The following DLG2 variants were observed in gnomAD, a reference collection of about 807,000 sequenced individuals.
The protein encoded by DLG2 is discs large MAGUK scaffold protein 2, also known as disks large homolog 2.
DLG2 carries 45 observed loss-of-function variants against 132.5 expected under a neutral mutation model. The ratio of observed to expected loss-of-function variants is 0.34; its 90% CI spans 0.27 to 0.44. The LOEUF (loss-of-function observed/expected upper bound fraction) is 0.44, where lower values mean the gene tolerates loss of function less well. Ranked by LOEUF, DLG2 falls within the 20% of genes least tolerant of loss-of-function variation. The pLI is 1.00. For missense variants in DLG2, 1,045 were observed against 1,196.9 expected (o/e 0.87, Z 1.87); for synonymous variants, 424 against 419.6 (o/e 1.01, Z -0.13).
chr11:84,075,486 G>T (rs2096817508), intron 10 of DLG2, among the ~76,000 whole-genome samples: 1 of 152,142 alleles, frequency 6.6e-6, no homozygotes, highest in Admixed American at 6.5e-5. Flanking sequence ...GTTCTTCCTA[G>T]TTAAGATTGG....
rs1044040584 is a variant in DLG2, at chr11:85,378,938, C to T, written c.41-93573G>A. The stretch of plus-strand genomic sequence containing the variant: ...AATTTCTAAGTACCACTTCAAGTTA[C>T]GAGCTCTAATTTTGCATCCCCTTTA... On this transcript the variant is annotated intron_variant, in intron 3 of 27. Transcript: ENST00000376104. 7.2e-5 allele frequency among the ~76,000 whole-genome samples: 11 copies of T among 152,244 alleles called. No homozygotes were observed. The South Asian group carries it at 1.5e-3, about 20-fold the overall frequency.
At chr11:84,316,905 G>T (rs756829998) in intron 7 of DLG2, 1 of 1,612,724 alleles carries the variant, frequency 6.2e-7, no homozygotes, top group South Asian at 1.1e-5. Flanking sequence ...GTCTTGTGGG[G>T]GCTTTTCCGC....
rs189021187 is a variant in DLG2, at chr11:85,253,575, C to T, written c.186+31645G>A. Among the ~76,000 whole-genome samples the T allele has an allele frequency of 1.6e-4, 25 of 152,206 alleles. 1 individual carries two copies. The highest frequency in any genetic ancestry group is 4.1e-4 in the African/African-American group (17 of 41,524). On this transcript the variant is annotated intron_variant, in intron 4 of 27. Coordinates refer to ENST00000376104, the MANE Select transcript of DLG2 (RefSeq NM_001142699.3). ...AGCAGTATCTAGGGGAGGGTGCCTG[C>T]GACCCCTGAAGCTCCAGAGGAAGGG...
chr11:84,716,397 T>C (rs1309690465), intron 6 of DLG2, among the ~76,000 whole-genome samples: 1 of 152,066 alleles, frequency 6.6e-6, no homozygotes, highest in East Asian at 1.9e-4. Flanking sequence ...TGTATTTTTA[T>C]CTTAGAAATA....
At chr11:85,614,254 A>G (rs1345732980) in intron 2 of DLG2, among the ~76,000 whole-genome samples, 1 of 152,174 alleles carries the variant, frequency 6.6e-6, no homozygotes, top group Non-Finnish European at 1.5e-5. Context: ...TTTACAAATC[A>G]AGGACACTCA....
intron 8 of DLG2, among the ~76,000 whole-genome samples, chr11:84,250,565 C>A (rs1342761892): frequency 3.3e-5 from 5 of 152,204 alleles, no homozygotes; most frequent in African/African-American, 1.2e-4. Context: ...AGCGCCCACT[C>A]ACAAAGCCTT....
chr11:84,859,308 C>T (rs1037947912), intron 6 of DLG2, among the ~76,000 whole-genome samples: 1 of 142,228 alleles, frequency 7.0e-6, no homozygotes, highest in Non-Finnish European at 1.5e-5. Context: ...AACATATATA[C>T]CTATATATGT....
intron 6 of DLG2, among the ~76,000 whole-genome samples, chr11:84,661,118 G>T (rs948741896): frequency 6.6e-6 from 1 of 152,118 alleles, no homozygotes; most frequent in Non-Finnish European, 1.5e-5. Context: ...TCCAGGTAAA[G>T]TCACCTGCAA....
intron 3 of DLG2, among the ~76,000 whole-genome samples, chr11:85,537,885 G>C (rs1354250458): frequency 6.6e-6 from 1 of 151,950 alleles, no homozygotes; most frequent in Non-Finnish European, 1.5e-5. Context: ...GGGAGGCCCA[G>C]GTGGGTGGAT....
chr11:84,551,555 T>C (rs1227953786), intron 6 of DLG2, among the ~76,000 whole-genome samples: 1 of 152,162 alleles, frequency 6.6e-6, no homozygotes, highest in Non-Finnish European at 1.5e-5. Context: ...ACTTATGGAG[T>C]AGTTACTGTT....
chr11:85,064,944 G>A lies in DLG2; in HGVS notation c.357+46717C>T, dbSNP rs560827264. ...CACCCCACGTTTGACAAGCACAAAG[G>A]TGAAAAATATTTTTATGTATAAAGT... On this transcript the variant is annotated intron_variant, in intron 6 of 27. Transcript: ENST00000376104. 6.6e-5 allele frequency among the ~76,000 whole-genome samples: 10 copies of A among 151,424 alleles called. 1 individual carries two copies. Among genetic ancestry groups the A allele is most frequent in the African/African-American group, 2.4e-4 (10 of 41,358 alleles).
chr11:84,518,631 G>A (rs1042475228), intron 7 of DLG2, among the ~76,000 whole-genome samples: 1 of 152,006 alleles, frequency 6.6e-6, no homozygotes, highest in Admixed American at 6.6e-5. Flanking sequence ...CATTTCATTT[G>A]ATCATTTATT....
intron 2 of DLG2, among the ~76,000 whole-genome samples, chr11:85,614,834 T>C (rs2081238718): frequency 1.3e-5 from 2 of 152,154 alleles, no homozygotes; most frequent in South Asian, 4.1e-4. Flanking sequence ...CTGAGGGAAA[T>C]AGAGTACATT....
At position 85,188,702 on chromosome 11, in the gene DLG2, A is replaced by G. The variant is rs556735889; in HGVS notation, c.187-34051T>C. 2.3e-3 allele frequency among the ~76,000 whole-genome samples: 343 copies of G among 152,338 alleles called. 1 individual carries two copies. The highest frequency in any genetic ancestry group is 3.2e-3 in the Non-Finnish European group (218 of 68,014). ...AATTTAAGTGGAAATTCTGAAGTAT[A>G]ACATTTAATAACTGAAATTTAAAAC... On this transcript the variant is annotated intron_variant, in intron 4 of 27. Coordinates refer to ENST00000376104, the MANE Select transcript of DLG2 (RefSeq NM_001142699.3).
chr11:83,892,809 G>C (rs1398212678), intron 15 of DLG2, among the ~76,000 whole-genome samples: 1 of 151,834 alleles, frequency 6.6e-6, no homozygotes, highest in East Asian at 1.9e-4. Flanking sequence ...TCACCTAACT[G>C]GCCAATACCC....
At chr11:84,855,133 C>A (rs1225430310) in intron 6 of DLG2, among the ~76,000 whole-genome samples, 1 of 151,978 alleles carries the variant, frequency 6.6e-6, no homozygotes, top group Non-Finnish European at 1.5e-5. Flanking sequence ...GAGGCCTGAG[C>A]TTCAACTGGC....
At chr11:85,529,000 A>G (rs1323190402) in intron 3 of DLG2, among the ~76,000 whole-genome samples, 1 of 152,264 alleles carries the variant, frequency 6.6e-6, no homozygotes, top group Non-Finnish European at 1.5e-5. Context: ...TACAGCAATG[A>G]AAATTAATGA....
intron 18 of DLG2, among the ~76,000 whole-genome samples, chr11:83,690,820 G>C (rs1288469900): frequency 6.6e-6 from 1 of 152,004 alleles, no homozygotes; most frequent in African/African-American, 2.4e-5. Context: ...ATACTGTTTT[G>C]TATGAAACTT....
chr11:85,564,249 A>C (rs764952097), intron 3 of DLG2, among the ~76,000 whole-genome samples: 2 of 151,948 alleles, frequency 1.3e-5, no homozygotes, highest in Non-Finnish European at 2.9e-5. Context: ...AAAAGGCAGA[A>C]GTTTTTAACT....
Sources: gnomAD v4.1 joint callset for allele counts (sites outside exome capture counted in the v4.1 genomes callset) on GRCh38, gnomAD v4.1.1 for gene constraint, MANE v1.5 for transcripts, NCBI Gene and HGNC (gene_info 2026-07-23, HGNC 2026-07-21) for gene names.